The following FILIP1L variants were observed in gnomAD, a reference collection of about 807,000 sequenced individuals.
The protein encoded by FILIP1L is filamin A-interacting protein 1-like.
FILIP1L carries 55 observed loss-of-function variants against 96.6 expected under a neutral mutation model. That is an observed-to-expected ratio of 0.57 (90% confidence interval 0.46 to 0.71). The LOEUF is 0.71. FILIP1L is among the 30% of genes least tolerant of loss of function. The pLI, the probability that FILIP1L is intolerant of heterozygous loss-of-function variation, is 0.00. For synonymous variants in FILIP1L, 467 were observed against 473.9 expected, an observed-to-expected ratio of 0.99 and a Z score of 0.19; for missense variants, 1,304 against 1,321.2, an observed-to-expected ratio of 0.99 and a Z score of 0.20.
At chr3:99,912,762 C>G (rs2107640921) in intron 4 of FILIP1L, among the ~76,000 whole-genome samples, 1 of 152,270 alleles carries the variant, frequency 6.6e-6, no homozygotes, top group Non-Finnish European at 1.5e-5. Flanking sequence ...AGTTGATGGA[C>G]ATTTGGGTTG....
chr3:100,006,484 A>G (rs768125142), intron 1 of FILIP1L, among the ~76,000 whole-genome samples: 5 of 152,152 alleles, frequency 3.3e-5, no homozygotes, highest in Admixed American at 3.3e-4. Flanking sequence ...GTTATCATCT[A>G]TAATTTTCTG....
At chr3:99,908,353 C>T (rs913259918) in intron 4 of FILIP1L, among the ~76,000 whole-genome samples, 2 of 152,214 alleles carry the variant, frequency 1.3e-5, no homozygotes, top group East Asian at 1.9e-4. Context: ...TGGCTTCACT[C>T]GTGTTCTCTT....
In FILIP1L at chr3:99,983,418, ATGTATGTATGTATG is replaced by A. The variant is rs1559713443; in HGVS notation, c.-10-52402_-10-52389del. ...TATATATATATATATATATATATAT[ATGTATGTATGTATG>A]TATATATATGTATGTATATATATAT... On this transcript the variant is annotated intron_variant, in intron 1 of 5. Transcript: ENST00000477258. Among the ~76,000 whole-genome samples the A allele has an allele frequency of 4.6e-3, 378 of 81,950 alleles. 16 individuals carry two copies. Among genetic ancestry groups the A allele is most frequent in the African/African-American group, 0.016 (312 of 19,122 alleles). 53.8% of individuals were successfully genotyped at this position (81,950 alleles called of 152,430 possible). A position where few individuals can be genotyped will look rare whatever the true frequency, so the allele number is the denominator to read the frequency against.
intron 1 of FILIP1L, among the ~76,000 whole-genome samples, chr3:99,938,574 TC>T (rs1426045019): frequency 6.6e-6 from 1 of 152,188 alleles, no homozygotes. Context: ...CACTTGCATT[TC>T]CCCCTATCTT....
chr3:99,971,330 T>C (rs1163889544), intron 1 of FILIP1L, among the ~76,000 whole-genome samples: 1 of 84,468 alleles, frequency 1.2e-5, no homozygotes, highest in Non-Finnish European at 2.2e-5. Flanking sequence ...ACAGAGCCCA[T>C]CTCAAAAAAA....
At chr3:100,113,247 T>C (rs894107411) in intron 1 of FILIP1L, among the ~76,000 whole-genome samples, 2 of 152,380 alleles carry the variant, frequency 1.3e-5, no homozygotes, top group South Asian at 2.1e-4. Flanking sequence ...TATACAAAAC[T>C]GTGCAGCCAC....
chr3:100,046,214 A>T (rs922751067), intron 1 of FILIP1L, among the ~76,000 whole-genome samples: 4 of 152,108 alleles, frequency 2.6e-5, no homozygotes, highest in African/African-American at 9.7e-5. Context: ...CTTGAAACTG[A>T]TCAGGGCCAG....
intron 4 of FILIP1L, among the ~76,000 whole-genome samples, chr3:99,879,349 G>C (rs952931792): frequency 3.3e-5 from 5 of 152,200 alleles, no homozygotes; most frequent in African/African-American, 1.2e-4. Flanking sequence ...CTAATTGTCA[G>C]GAGGCCATGA....
chr3:99,992,363 C>G (rs1423459688), intron 1 of FILIP1L, among the ~76,000 whole-genome samples: 2 of 152,030 alleles, frequency 1.3e-5, no homozygotes, highest in African/African-American at 4.8e-5. Context: ...AATAGCCATT[C>G]TGACTGATAT....
chr3:99,850,037 G>A lies in FILIP1L; in HGVS notation c.1639C>T (p.Leu547Phe). ...TCTTCTACATCGGTTTTGGACTTGAGCGCCCTTTTAGTTTCCTCAATTAAC... is the reference window on the plus strand; with the variant it reads ...TCTTCTACATCGGTTTTGGACTTGAACGCCCTTTTAGTTTCCTCAATTAAC... ...EKLIEETKRA[L>F]KSKTDVEEKM... The change falls in exon 5 of 6, where the codon CTC (leucine) becomes TTC (phenylalanine). Residue 547 changes from leucine (L) to phenylalanine (F), a missense_variant. Physicochemically the swap from Leu to Phe is conservative, Grantham distance 22. Coordinates refer to ENST00000477258, the MANE Select transcript of FILIP1L (RefSeq NM_001387850.1). 8.7e-6 allele frequency: 14 copies of A among 1,609,810 alleles called. No homozygotes were observed. Among genetic ancestry groups the A allele is most frequent in the South Asian group, 1.1e-5 (1 of 89,456 alleles).
intron 1 of FILIP1L, among the ~76,000 whole-genome samples, chr3:100,009,238 T>C (rs1710073650): frequency 6.6e-6 from 1 of 152,230 alleles, no homozygotes; most frequent in African/African-American, 2.4e-5. Flanking sequence ...CCTACGGTAT[T>C]ATCAAGAATA....
intron 1 of FILIP1L, among the ~76,000 whole-genome samples, chr3:100,067,438 T>C (rs1284554095): frequency 6.6e-6 from 1 of 152,216 alleles, no homozygotes; most frequent in East Asian, 1.9e-4. Context: ...GTTGAATCCC[T>C]GGCTCCAATT....
chr3:100,049,057 A>G (rs2065325875), intron 1 of FILIP1L, among the ~76,000 whole-genome samples: 2 of 152,332 alleles, frequency 1.3e-5, no homozygotes, highest in Admixed American at 1.3e-4. Flanking sequence ...TGCCAGAAAC[A>G]AAGTCGATGT....
At chr3:100,053,776 C>T (rs898208365) in intron 1 of FILIP1L, among the ~76,000 whole-genome samples, 1 of 152,146 alleles carries the variant, frequency 6.6e-6, no homozygotes, top group African/African-American at 2.4e-5. Flanking sequence ...TATCCAAAGC[C>T]ACAGAAACCC....
At chr3:99,898,963 T>G (rs186991056) in intron 4 of FILIP1L, among the ~76,000 whole-genome samples, 1 of 152,244 alleles carries the variant, frequency 6.6e-6, no homozygotes, top group Admixed American at 6.5e-5. Context: ...ATTAGATACT[T>G]ATTAATACCA....
intron 1 of FILIP1L, among the ~76,000 whole-genome samples, chr3:100,005,515 T>C (rs1456806868): frequency 5.9e-5 from 9 of 152,228 alleles, no homozygotes; most frequent in African/African-American, 1.9e-4. Context: ...AAGTCTAGAT[T>C]TTAAGAACCC....
rs1708232283 is a variant in FILIP1L at position 99,953,335 on chromosome 3, A to T, written c.-10-22305T>A. On this transcript the variant is annotated intron_variant, in intron 1 of 5. Coordinates refer to ENST00000477258, the MANE Select transcript of FILIP1L (RefSeq NM_001387850.1). ...TTCTAGACATAGGGCAAACCAATGA[A>T]ATTCTAAGGAAGTAGAATTTCTTAG... Among the ~76,000 whole-genome samples the T allele has an allele frequency of 2.0e-5, 3 of 152,122 alleles. No individual in the cohort carries two copies. In the South Asian group the frequency reaches 6.2e-4, roughly 32 times the overall value.
At chr3:100,051,808 G>A (rs2065378767) in intron 1 of FILIP1L, among the ~76,000 whole-genome samples, 1 of 150,020 alleles carries the variant, frequency 6.7e-6, no homozygotes, top group Non-Finnish European at 1.5e-5. Flanking sequence ...TAGTGCCAAT[G>A]GCTTATATTT....
intron 4 of FILIP1L, among the ~76,000 whole-genome samples, chr3:99,852,605 C>T (rs1031274141): frequency 1.3e-5 from 2 of 152,010 alleles, no homozygotes; most frequent in Non-Finnish European, 2.9e-5. Context: ...ACCACCACGC[C>T]CAGCTAATTT....
Sources: allele counts gnomAD v4.1 joint callset (sites outside exome capture counted in the v4.1 genomes callset), GRCh38; gene constraint gnomAD v4.1.1; transcripts MANE v1.5; gene names NCBI Gene and HGNC (gene_info 2026-07-23, HGNC 2026-07-21).